Variants in RECK observed in about 807,000 individuals in gnomAD.
RECK encodes reversion inducing cysteine rich protein with kazal motifs, also known as reversion-inducing cysteine-rich protein with Kazal motifs.
In RECK, 69 loss-of-function variants were observed where a neutral mutation model predicts 115.1. The observed-to-expected ratio is 0.60, with a 90% confidence interval of 0.49 to 0.73. The LOEUF (loss-of-function observed/expected upper bound fraction) is 0.73, where lower values mean the gene tolerates loss of function less well. RECK is among the 30% of genes least tolerant of loss of function. The pLI, the probability that RECK is intolerant of heterozygous loss-of-function variation, is 0.00. For missense variants in RECK, 1,047 were observed against 1,203.7 expected, an observed-to-expected ratio of 0.87 and a Z score of 1.93; for synonymous variants, 414 against 419.7, an observed-to-expected ratio of 0.99 and a Z score of 0.17.
intron 6 of RECK, among the ~76,000 whole-genome samples, chr9:36,070,860 C>G (rs995423927): frequency 6.6e-6 from 1 of 152,208 alleles, no homozygotes; most frequent in Non-Finnish European, 1.5e-5. Context: ...CTATCCAAAT[C>G]AACCATTAGC....
At chr9:36,101,531 A>G (rs922396802) in intron 11 of RECK, among the ~76,000 whole-genome samples, 2 of 152,230 alleles carry the variant, frequency 1.3e-5, no homozygotes, top group Non-Finnish European at 2.9e-5. Flanking sequence ...TGATGGGGAA[A>G]TACTGAGGTA....
chr9:36,046,338 A>C (rs769022099), intron 1 of RECK, among the ~76,000 whole-genome samples: 20 of 152,254 alleles, frequency 1.3e-4, no homozygotes, highest in Non-Finnish European at 2.2e-4. Context: ...TAAATGCCAC[A>C]TTAATTGCAT....
At chr9:36,059,768 G>C (rs1293237433) in intron 3 of RECK, among the ~76,000 whole-genome samples, 2 of 152,188 alleles carry the variant, frequency 1.3e-5, no homozygotes, top group African/African-American at 4.8e-5. Flanking sequence ...TTTAGATATG[G>C]TGGCTTATAT....
chr9:36,090,725 G>T (rs973055731), intron 9 of RECK, among the ~76,000 whole-genome samples: 1 of 152,164 alleles, frequency 6.6e-6, no homozygotes, highest in Non-Finnish European at 1.5e-5. Context: ...AGTCTATCAT[G>T]CTTCTTAAAA....
chr9:36,118,999 G>A (rs1207851808), intron 18 of RECK, 32 bp downstream of exon 18: 1 of 1,593,088 alleles, frequency 6.3e-7, no homozygotes, highest in African/African-American at 1.3e-5. Context: ...GGACAGGGGA[G>A]GACTGAGAAG....
chr9:36,078,042 AAAGT>A (rs1159983340), intron 6 of RECK, among the ~76,000 whole-genome samples: 2 of 152,218 alleles, frequency 1.3e-5, no homozygotes, highest in Non-Finnish European at 2.9e-5. Context: ...TTAATTTAAA[AAAGT>A]AGGTAAATGA....
chr9:36,119,301 CAAAT>C (rs1824374922), intron 18 of RECK, among the ~76,000 whole-genome samples: 2 of 152,128 alleles, frequency 1.3e-5, no homozygotes, highest in Non-Finnish European at 2.9e-5. Flanking sequence ...ACAAAGTTAA[CAAAT>C]AACGAATTAC....
chr9:36,104,292 G>A (rs1333611098), intron 12 of RECK, among the ~76,000 whole-genome samples: 24 of 43,890 alleles, frequency 5.5e-4, no homozygotes, highest in African/African-American at 1.2e-3. Flanking sequence ...GTGTGTGTGT[G>A]TATATATATA....
At chr9:36,044,574 C>T (rs538079596) in intron 1 of RECK, among the ~76,000 whole-genome samples, 62 of 152,224 alleles carry the variant, frequency 4.1e-4, no homozygotes, top group African/African-American at 1.1e-3. Flanking sequence ...AAGAAGCTTA[C>T]AATCAATCTG....
At chr9:36,098,048 G>A (rs1394497231) in intron 10 of RECK, among the ~76,000 whole-genome samples, 1 of 152,182 alleles carries the variant, frequency 6.6e-6, no homozygotes, top group Non-Finnish European at 1.5e-5. Flanking sequence ...AGGAGGAGGA[G>A]AGAGAAGAGG....
intron 8 of RECK, among the ~76,000 whole-genome samples, chr9:36,083,785 A>C (rs1822829533): frequency 6.6e-6 from 1 of 152,204 alleles, no homozygotes; most frequent in Admixed American, 6.5e-5. Context: ...CTCAATTCTG[A>C]GGGTGGGAGA....
At chr9:36,068,485 A>G (rs1301724911) in intron 6 of RECK, among the ~76,000 whole-genome samples, 1 of 152,244 alleles carries the variant, frequency 6.6e-6, no homozygotes, top group Admixed American at 6.5e-5. Context: ...TCCAGGTGAA[A>G]ATAACTTAAA....
chr9:36,037,204 T>C, intron 1 of RECK, 106 bp downstream of exon 1: 1 of 349,668 alleles, frequency 2.9e-6, no homozygotes, highest in Non-Finnish European at 4.2e-6. Context: ...CCCCAGACCC[T>C]GCCCACGTCC....
chr9:36,118,613 C>A (rs1346521171), intron 17 of RECK, 144 bp from the exon 18 acceptor site: 18 of 718,564 alleles, frequency 2.5e-5, no homozygotes, highest in Non-Finnish European at 3.6e-5. Flanking sequence ...AGCATTTAGC[C>A]CACCTCAGGA....
chr9:36,045,531 A>G lies in RECK; in HGVS notation c.101-6734A>G, dbSNP rs750474329. Reference sequence around the variant, plus strand: ...TCTATGTATGTATATGTGTGTGTATATATATATTTATACACATACACACTG... The same window carrying G: ...TCTATGTATGTATATGTGTGTGTATGTATATATTTATACACATACACACTG... On this transcript the variant is annotated intron_variant, in intron 1 of 20. Coordinates refer to ENST00000377966, the MANE Select transcript of RECK (RefSeq NM_021111.3). Among the ~76,000 whole-genome samples the G allele has an allele frequency of 3.7e-4, 56 of 151,486 alleles. 1 individual carries two copies. The highest frequency in any genetic ancestry group is 6.6e-4 in the Non-Finnish European group (45 of 67,924).
intron 2 of RECK, among the ~76,000 whole-genome samples, chr9:36,053,902 A>G (rs748102934): frequency 1.4e-4 from 22 of 151,998 alleles, no homozygotes; most frequent in Admixed American, 5.2e-4. Context: ...CAAAAATATT[A>G]CTCCTATTAC....
In RECK at chr9:36,091,330, A is replaced by G; in HGVS notation, c.1072A>G (p.Asn358Asp). 1.9e-6 allele frequency: 3 copies of G among 1,539,842 alleles called. No homozygotes were observed. Among genetic ancestry groups the G allele is most frequent in the Non-Finnish European group, 1.7e-6 (2 of 1,147,098 alleles). Residue 358 changes from asparagine (N) to aspartate (D), a missense_variant, in exon 10 of 21, where the codon AAT becomes GAT. Coordinates refer to ENST00000377966, the MANE Select transcript of RECK (RefSeq NM_021111.3). The part of the protein sequence containing the change: ...LGCRNLTYCT[N>D]FNNRPTELFR... Reference sequence around the variant, plus strand: ...CTGTAGAAACCTTACTTACTGTACTAATTTTAACAACAGGTAAGACAAATT... The same window carrying G: ...CTGTAGAAACCTTACTTACTGTACTGATTTTAACAACAGGTAAGACAAATT...
At position 36,124,158 on chromosome 9, in the gene RECK, C is replaced by T. The variant is rs1221760122; in HGVS notation, c.*1113C>T. 3.3e-5 allele frequency: 5 copies of T among 152,578 alleles called. No homozygotes were observed. The highest frequency in any genetic ancestry group is 7.3e-5 in the Non-Finnish European group (5 of 68,034). The allele number at this position is 152,578 out of a possible 1,614,324, so 9.5% of individuals were successfully genotyped here. A position where few individuals can be genotyped will look rare whatever the true frequency, so the allele number is the denominator to read the frequency against. ...TGCATGTTGTCTAAGAAATTGAATACTTTGAATGTGTTTCACAGTTTGAAA... is the reference window on the plus strand; with the variant it reads ...TGCATGTTGTCTAAGAAATTGAATATTTTGAATGTGTTTCACAGTTTGAAA... On this transcript the variant is annotated 3_prime_UTR_variant, in exon 21 of 21. Coordinates refer to ENST00000377966, the MANE Select transcript of RECK (RefSeq NM_021111.3).
intron 1 of RECK, among the ~76,000 whole-genome samples, chr9:36,040,242 A>G (rs545446083): frequency 6.6e-6 from 1 of 152,338 alleles, no homozygotes; most frequent in East Asian, 1.9e-4. Flanking sequence ...CCATGAAGGA[A>G]CTAAACCAAA....
Sources: gnomAD v4.1 joint callset for allele counts (sites outside exome capture counted in the v4.1 genomes callset) on GRCh38, gnomAD v4.1.1 for gene constraint, MANE v1.5 for transcripts, NCBI Gene and HGNC (gene_info 2026-07-23, HGNC 2026-07-21) for gene names.